Variants in FNDC1 observed in about 807,000 individuals in gnomAD.
FNDC1 encodes fibronectin type III domain containing 1, also known as fibronectin type III domain-containing protein 1.
Under a neutral mutation model 168.0 loss-of-function variants are expected in FNDC1, and 96 were observed. That is an observed-to-expected ratio of 0.57 (90% CI 0.48 to 0.68). The LOEUF is 0.68. Ranked by LOEUF, FNDC1 falls within the 30% of genes least tolerant of loss-of-function variation. The pLI is 0.00. For synonymous variants in FNDC1, 1,099 were observed against 1,025.9 expected (o/e 1.07, Z -1.36); for missense variants, 2,587 against 2,482.1 (o/e 1.04, Z -0.90).
At chr6:159,187,797 GC>G (rs1782034131) in intron 1 of FNDC1, among the ~76,000 whole-genome samples, 1 of 152,062 alleles carries the variant, frequency 6.6e-6, no homozygotes, top group Admixed American at 6.6e-5. Context: ...CTAGTATTTT[GC>G]CCATGTGTTG....
At chr6:159,242,548 A>T (rs1308853217) in intron 14 of FNDC1, among the ~76,000 whole-genome samples, 1 of 152,232 alleles carries the variant, frequency 6.6e-6, no homozygotes, top group Non-Finnish European at 1.5e-5. Flanking sequence ...AGCTCTGTTG[A>T]GATAAAATTC....
At chr6:159,186,858 A>G (rs1281197343) in intron 1 of FNDC1, among the ~76,000 whole-genome samples, 1 of 152,250 alleles carries the variant, frequency 6.6e-6, no homozygotes, top group African/African-American at 2.4e-5. Flanking sequence ...CTTTGAGATG[A>G]TGAAGAAAAA....
At chr6:159,224,979 T>C (rs1422555743) in intron 7 of FNDC1, among the ~76,000 whole-genome samples, 1 of 152,214 alleles carries the variant, frequency 6.6e-6, no homozygotes, top group Non-Finnish European at 1.5e-5. Context: ...GGTGCCTCTG[T>C]CCTGCTCTGT....
At chr6:159,257,717 G>A (rs1485952373) in intron 18 of FNDC1, among the ~76,000 whole-genome samples, 2 of 152,164 alleles carry the variant, frequency 1.3e-5, no homozygotes, top group Non-Finnish European at 2.9e-5. Context: ...TGCCATTTGG[G>A]CCCGCTTGAG....
rs758189465 is a variant in FNDC1, at chr6:159,233,976, C to G, written c.3464C>G (p.Ala1155Gly). Reference protein sequence around the residue: ...QSRARVPSRAAPGKSEPPSKR... With the variant: ...QSRARVPSRAGPGKSEPPSKR... Reference sequence around the variant, plus strand: ...CGCGCCCGGGTACCCAGCAGGGCAGCGCCGGGGAAGTCGGAGCCTCCTTCC... The same window carrying G: ...CGCGCCCGGGTACCCAGCAGGGCAGGGCCGGGGAAGTCGGAGCCTCCTTCC... The change falls in exon 11 of 23, where the codon GCG becomes GGG. Residue 1155 changes from alanine to glycine, a missense_variant. By Grantham distance (60) the Ala-to-Gly change is moderately conservative. Coordinates refer to ENST00000297267, the MANE Select transcript of FNDC1 (RefSeq NM_032532.3). The surrounding 1 kb of genome is among the most constrained non-coding windows in gnomAD (Gnocchi z 4.6). 1.3e-6 allele frequency: 2 copies of G among 1,594,940 alleles called. No homozygotes were observed. Among genetic ancestry groups the G allele is most frequent in the African/African-American group, 2.7e-5 (2 of 74,576 alleles).
chr6:159,223,896 C>G (rs1365373297), intron 7 of FNDC1, among the ~76,000 whole-genome samples: 1 of 152,178 alleles, frequency 6.6e-6, no homozygotes, highest in Non-Finnish European at 1.5e-5. Context: ...CTCACTTGCT[C>G]AGTGATTTAT....
intron 1 of FNDC1, among the ~76,000 whole-genome samples, chr6:159,194,533 A>G (rs1337396995): frequency 6.6e-6 from 1 of 152,196 alleles, no homozygotes; most frequent in Non-Finnish European, 1.5e-5. Context: ...TTTCATCTTT[A>G]TGCTATCAGA....
At chr6:159,240,544 C>T (rs1174502829) in intron 14 of FNDC1, among the ~76,000 whole-genome samples, 2 of 152,206 alleles carry the variant, frequency 1.3e-5, no homozygotes, top group East Asian at 3.8e-4. Context: ...GAATGCCAAT[C>T]CTCATGTAGC....
At chr6:159,194,450 G>T (rs780116397) in intron 1 of FNDC1, among the ~76,000 whole-genome samples, 3 of 152,186 alleles carry the variant, frequency 2.0e-5, no homozygotes, top group Non-Finnish European at 4.4e-5. Context: ...TGATTCATTT[G>T]TCCAGCAGAG....
chr6:159,169,424 T>A lies in FNDC1; in HGVS notation c.-173T>A, dbSNP rs1433873387. On this transcript the variant is annotated 5_prime_UTR_variant, in exon 1 of 23. Transcript: ENST00000297267. This position sits in a 1 kb window ranked among gnomAD's most constrained non-coding sequence, Gnocchi z 6.8. ...CAGTGGCGGAGCGCGGCTGCCGGTGTGCGGCCGGGAGCGATCGCCGCGGGG... is the reference window on the plus strand; with the variant it reads ...CAGTGGCGGAGCGCGGCTGCCGGTGAGCGGCCGGGAGCGATCGCCGCGGGG... 1 of 164,314 alleles carries A rather than the reference T, an allele frequency of 6.1e-6. No individual in the cohort carries two copies. 10.2% of individuals were successfully genotyped at this position (164,314 alleles called of 1,614,324 possible).
intron 1 of FNDC1, among the ~76,000 whole-genome samples, chr6:159,183,092 A>G (rs1271442356): frequency 1.3e-5 from 2 of 152,150 alleles, no homozygotes; most frequent in Admixed American, 1.3e-4. Context: ...ATGTTATCTC[A>G]CATGTGTGGA....
rs946529596 is a variant in FNDC1, at chr6:159,264,572, T to G, written c.5255-403T>G. On this transcript the variant is annotated intron_variant, in intron 19 of 22. Transcript: ENST00000297267. ...AAACATTTATGTGGAAGTGTTTGGA[T>G]GGACATATGTTTCCATTTCTCTTGG... Among the ~76,000 whole-genome samples, 8 of 152,238 alleles carry G rather than the reference T, an allele frequency of 5.3e-5. 1 individual carries two copies. The South Asian group carries it at 1.7e-3, about 31-fold the overall frequency.
intron 1 of FNDC1, among the ~76,000 whole-genome samples, chr6:159,190,633 G>T (rs1318975137): frequency 6.6e-6 from 1 of 152,226 alleles, no homozygotes; most frequent in Non-Finnish European, 1.5e-5. Flanking sequence ...CCACACGTTA[G>T]AGCCCACATT....
At position 159,200,157 on chromosome 6, in the gene FNDC1, A is replaced by G; in HGVS notation, c.391+75A>G. ...AGAGACATCCCTCCTTGCTTCTTCCAGTAAATATAAATTTAGAGTTATTAA... is the reference window on the plus strand; with the variant it reads ...AGAGACATCCCTCCTTGCTTCTTCCGGTAAATATAAATTTAGAGTTATTAA... On this transcript the variant is annotated intron_variant, in intron 3 of 22. Transcript: ENST00000297267. 9 of 1,092,924 alleles carry G rather than the reference A, an allele frequency of 8.2e-6. No individual in the cohort carries two copies. In the South Asian group the frequency reaches 9.7e-5, roughly 12 times the overall value. The allele number at this position is 1,092,924 out of a possible 1,614,324, so 67.7% of individuals were successfully genotyped here.
At chr6:159,185,716 C>G (rs1005159954) in intron 1 of FNDC1, among the ~76,000 whole-genome samples, 1 of 152,186 alleles carries the variant, frequency 6.6e-6, no homozygotes, top group Non-Finnish European at 1.5e-5. Flanking sequence ...AACCTAACCC[C>G]TTTAAAATGC....
intron 16 of FNDC1, among the ~76,000 whole-genome samples, chr6:159,251,046 A>G (rs1777246913): frequency 6.6e-6 from 1 of 152,232 alleles, no homozygotes; most frequent in Non-Finnish European, 1.5e-5. Context: ...ATCTCTCAAA[A>G]CCACTTTGCG....
intron 7 of FNDC1, 63 bp downstream of exon 7, chr6:159,223,708 A>T: frequency 1.1e-6 from 1 of 938,130 alleles, no homozygotes. Flanking sequence ...CCCTGAAAAG[A>T]CATGTATTTA....
In FNDC1 at chr6:159,226,955, A is replaced by G. The variant is rs562895151; in HGVS notation, c.1180+375A>G. Reference sequence around the variant, plus strand: ...GCAGGAATCCTGCAGAGCCATCAGTATCTTTCATGGGACCATAAATACATT... The same window carrying G: ...GCAGGAATCCTGCAGAGCCATCAGTGTCTTTCATGGGACCATAAATACATT... On this transcript the variant is annotated intron_variant, in intron 9 of 22. Coordinates refer to ENST00000297267, the MANE Select transcript of FNDC1 (RefSeq NM_032532.3). Among the ~76,000 whole-genome samples the G allele has an allele frequency of 2.0e-5, 3 of 152,344 alleles. No homozygotes were observed. The South Asian group carries it at 6.2e-4, about 32-fold the overall frequency.
Position 159,234,044 on chromosome 6 carries a change from G to A in FNDC1, c.3532G>A (p.Glu1178Lys). Residue 1178 changes from glutamate (E) to lysine (K), a missense_variant, in exon 11 of 23, where the codon GAG (glutamate) becomes AAG (lysine). Transcript: ENST00000297267. ...CAAGTCCCAGCAGTCGGTCTCAGCCGAGGACGACGAGGAGGAGGACGCGGG... is the reference window on the plus strand; with the variant it reads ...CAAGTCCCAGCAGTCGGTCTCAGCCAAGGACGACGAGGAGGAGGACGCGGG... ...SSKSQQSVSAEDDEEEDAGFF... is the reference protein window; with the variant it reads ...SSKSQQSVSAKDDEEEDAGFF... The A allele has an allele frequency of 6.2e-7, 1 of 1,612,228 alleles. No individual in the cohort carries two copies. The highest frequency in any genetic ancestry group is 8.5e-7 in the Non-Finnish European group (1 of 1,179,352).
Sources: allele counts gnomAD v4.1 joint callset (sites outside exome capture counted in the v4.1 genomes callset), GRCh38; gene constraint gnomAD v4.1.1; non-coding constraint Gnocchi (gnomAD v3.1); transcripts MANE v1.5; gene names NCBI Gene and HGNC (gene_info 2026-07-23, HGNC 2026-07-21).